Variants in VWCE observed in about 807,000 individuals in gnomAD.
VWCE encodes the protein von Willebrand factor C and EGF domains.
VWCE carries 68 observed loss-of-function variants against 102.9 expected under a neutral mutation model. The ratio of observed to expected loss-of-function variants is 0.66; its 90% CI spans 0.54 to 0.81. VWCE has a LOEUF of 0.81. Among genes scored for constraint, VWCE ranks in the 30% least tolerant of loss-of-function variants. The pLI is 0.00. For missense variants in VWCE, 1,137 were observed against 1,263.6 expected (o/e 0.90, Z 1.52); for synonymous variants, 497 against 515.4 (o/e 0.96, Z 0.48).
intron 4 of VWCE, among the ~76,000 whole-genome samples, chr11:61,286,817 G>C (rs1347400741): frequency 1.3e-5 from 2 of 151,376 alleles, no homozygotes; most frequent in Non-Finnish European, 2.9e-5. Flanking sequence ...AAAAAAGAAG[G>C]CCGGGCGCGG....
rs753022661 is a variant in VWCE at position 61,267,548 on chromosome 11, C to A, written c.1883-4G>T. On this transcript the variant is annotated splice_polypyrimidine_tract_variant and splice_region_variant and intron_variant, in intron 15 of 19. Transcript: ENST00000335613. ...ATTCTGCCTGTGTAGGTGCAGCCTG[C>A]CAGAGAGAGCATGCGCTGAGCACCA... 20 of 1,613,864 alleles carry A rather than the reference C, an allele frequency of 1.2e-5. No individual in the cohort carries two copies. The highest frequency in any genetic ancestry group is 1.6e-5 in the Non-Finnish European group (19 of 1,179,946).
At chr11:61,281,715 G>A (rs1444422320) in intron 7 of VWCE, 71 bp downstream of exon 7, 19 of 1,525,802 alleles carry the variant, frequency 1.2e-5, no homozygotes, top group Non-Finnish European at 1.7e-5. Flanking sequence ...GCCAGGCTAT[G>A]GGGGGGCGTA....
At chr11:61,283,924 AAG>A (rs1205563504) in intron 5 of VWCE, among the ~76,000 whole-genome samples, 1 of 152,254 alleles carries the variant, frequency 6.6e-6, no homozygotes, top group Non-Finnish European at 1.5e-5. Flanking sequence ...TCAATAAGAG[AAG>A]AGTTAGTAAA....
Position 61,258,838 on chromosome 11 carries a change from G to C in VWCE, c.2705C>G (p.Ser902Cys), listed in dbSNP as rs1406009270. The change falls in exon 20 of 20, where the codon TCC becomes TGC. Residue 902 changes from serine (S) to cysteine (C), a missense_variant. Transcript: ENST00000335613. ...GTLLTEASAL[S>C]MMDPSPSKTP... The stretch of plus-strand genomic sequence containing the variant: ...CTTCGAGGGGCTGGGGTCCATCATG[G>C]AAAGTGCTGAAGCTTCCGTCAGGAG... The C allele has an allele frequency of 1.3e-6, 2 of 1,515,454 alleles. No homozygotes were observed. Among genetic ancestry groups the C allele is most frequent in the Non-Finnish European group, 1.8e-6 (2 of 1,134,304 alleles). 93.9% of individuals were successfully genotyped at this position (1,515,454 alleles called of 1,614,324 possible). A position where few individuals can be genotyped will look rare whatever the true frequency, so the allele number is the denominator to read the frequency against.
At chr11:61,261,961 T>C (rs1854373551) in intron 19 of VWCE, among the ~76,000 whole-genome samples, 2 of 152,150 alleles carry the variant, frequency 1.3e-5, no homozygotes, top group African/African-American at 4.8e-5. Context: ...CTCTTGGTTT[T>C]TGTTTTTGTT....
At chr11:61,288,023 T>C (rs943267088) in intron 4 of VWCE, among the ~76,000 whole-genome samples, 15 of 151,784 alleles carry the variant, frequency 9.9e-5, no homozygotes, top group African/African-American at 3.1e-4. Flanking sequence ...CTGGGCATGC[T>C]GGCACGTGCC....
intron 15 of VWCE, among the ~76,000 whole-genome samples, chr11:61,268,351 C>A (rs1364528929): frequency 1.3e-5 from 2 of 152,014 alleles, no homozygotes; most frequent in Non-Finnish European, 2.9e-5. Context: ...GTTAGGAGAT[C>A]GAGACCAGCC....
At position 61,295,093 on chromosome 11, in the gene VWCE, G is replaced by C; in HGVS notation, c.-56C>G. ...CTCGGCTCCTGCGCCGCGCGCGGGA[G>C]AGGGGGCTGCCGGCCCTCGCCCCTC... On this transcript the variant is annotated 5_prime_UTR_variant, in exon 1 of 20. Transcript: ENST00000335613. This position sits in a 1 kb window ranked among gnomAD's most constrained non-coding sequence, Gnocchi z 4.6. 3 of 1,162,436 alleles carry C rather than the reference G, an allele frequency of 2.6e-6. No homozygotes were observed. Among genetic ancestry groups the C allele is most frequent in the Non-Finnish European group, 3.3e-6 (3 of 908,588 alleles). 72.0% of individuals were successfully genotyped at this position (1,162,436 alleles called of 1,614,324 possible).
intron 5 of VWCE, among the ~76,000 whole-genome samples, chr11:61,283,654 A>G (rs1590649001): frequency 6.6e-6 from 1 of 152,144 alleles, no homozygotes; most frequent in Non-Finnish European, 1.5e-5. Context: ...CAGGCGATCC[A>G]CCTGCCTTGG....
chr11:61,260,624 C>T (rs960466393), intron 19 of VWCE, among the ~76,000 whole-genome samples: 1 of 152,136 alleles, frequency 6.6e-6, no homozygotes, highest in East Asian at 1.9e-4. Flanking sequence ...AGCTCACTTC[C>T]TGAACACCAC....
Position 61,281,026 on chromosome 11 carries a change from G to C in VWCE, c.997C>G (p.Pro333Ala). 1 of 1,574,014 alleles carries C rather than the reference G, an allele frequency of 6.4e-7. No homozygotes were observed. Among genetic ancestry groups the C allele is most frequent in the South Asian group, 1.2e-5 (1 of 83,998 alleles). ...PRLPTSSPSA[P>A]VWLLSTLLAT... ...AGCAGGGTGGACAGCAGCCACACAG[G>C]GGCAGAAGGGGAGGATGTGGGTAGT... Residue 333 changes from proline to alanine, a missense_variant, in exon 8 of 20, where the codon CCT (proline) becomes GCT (alanine). Physicochemically the swap from Pro to Ala is conservative, Grantham distance 27. Around this residue, in one of 5 missense-constraint regions of VWCE, gnomAD observed 575 missense variants for 625.9 expected, o/e 0.92. Transcript: ENST00000335613.
At position 61,290,827 on chromosome 11, in the gene VWCE, C is replaced by T. The variant is rs776757381; in HGVS notation, c.396G>A (p.Thr132=). The T allele has an allele frequency of 8.7e-6, 14 of 1,613,486 alleles. No homozygotes were observed. The highest frequency in any genetic ancestry group is 2.2e-5 in the South Asian group (2 of 91,046). The part of the protein sequence containing the change: ...ARVCPVGFSM[T]ETAVGIRCTD... The stretch of plus-strand genomic sequence containing the variant: ...TACACCTGATGCCAACAGCTGTCTC[C>T]GTCATCGAGAAGCCCACGGGGCACA... Residue 132 remains threonine, a synonymous_variant, in exon 4 of 20, where the codon ACG becomes ACA. Transcript: ENST00000335613.
chr11:61,291,462 G>T lies in VWCE; in HGVS notation c.205+20C>A. 6.4e-7 allele frequency: 1 copy of T among 1,559,116 alleles called. No individual in the cohort carries two copies. Among genetic ancestry groups the T allele is most frequent in the South Asian group, 1.2e-5 (1 of 84,752 alleles). On this transcript the variant is annotated intron_variant, in intron 2 of 19. Transcript: ENST00000335613. ...ACACTGCTGGAGGAGAAGACTTGGG[G>T]CACAGGGACAAGCACTTACGCAGGG...
Position 61,280,939 on chromosome 11 carries a change from C to A in VWCE, c.1084G>T (p.Gly362Trp). The A allele has an allele frequency of 6.5e-7, 1 of 1,530,836 alleles. No homozygotes were observed. The highest frequency in any genetic ancestry group is 2.3e-5 in the East Asian group (1 of 44,086). 94.8% of individuals were successfully genotyped at this position (1,530,836 alleles called of 1,614,324 possible). A position where few individuals can be genotyped will look rare whatever the true frequency, so the allele number is the denominator to read the frequency against. ...GNLRPPSLLQGEVMGTPSSPR... is the reference protein window; with the variant it reads ...GNLRPPSLLQWEVMGTPSSPR... ...GAGGAAGGGGTCCCCATCACCTCCC[C>A]CTGAAGGAGTGAGGGGGGTCTGAGG... Residue 362 changes from glycine to tryptophan, a missense_variant, in exon 8 of 20, where the codon GGG (glycine) becomes TGG (tryptophan). Physicochemically the swap from Gly to Trp is radical, Grantham distance 184 (BLOSUM62 -2). This residue lies in a region of VWCE where 575 missense variants were observed against 625.9 expected (regional missense o/e 0.92). Transcript: ENST00000335613.
chr11:61,278,277 G>T, intron 10 of VWCE, 117 bp downstream of exon 10: 1 of 1,121,204 alleles, frequency 8.9e-7, no homozygotes, highest in Non-Finnish European at 1.3e-6. Context: ...CACAACCTGA[G>T]AATGTTCCCT....
chr11:61,265,061 A>G (rs1399664753), intron 17 of VWCE, 23 bp from the exon 18 acceptor site: 39 of 1,613,926 alleles, frequency 2.4e-5, no homozygotes, highest in Non-Finnish European at 2.9e-5. Context: ...GGGAGACAGG[A>G]GCCCATGAGA....
chr11:61,266,028 G>C (rs952955435), intron 16 of VWCE, among the ~76,000 whole-genome samples: 3 of 151,354 alleles, frequency 2.0e-5, no homozygotes, highest in African/African-American at 7.3e-5. Flanking sequence ...CCTGGCGACA[G>C]AGTGAGACTC....
rs1854478825 is a variant in VWCE at position 61,265,268 on chromosome 11, T to C, written c.1966-56A>G. On this transcript the variant is annotated intron_variant, in intron 16 of 19. Coordinates refer to ENST00000335613, the MANE Select transcript of VWCE (RefSeq NM_152718.2). The stretch of plus-strand genomic sequence containing the variant: ...CGGTTCAGGGCAGCTGACAAGACAC[T>C]CAGGAAGATGCCGCTCCTATAGCCA... The C allele has an allele frequency of 5.0e-6, 7 of 1,404,814 alleles. No individual in the cohort carries two copies. The South Asian group carries it at 9.1e-5, about 18-fold the overall frequency. 87.0% of individuals were successfully genotyped at this position (1,404,814 alleles called of 1,614,324 possible). A position where few individuals can be genotyped will look rare whatever the true frequency, so the allele number is the denominator to read the frequency against.
Position 61,276,699 on chromosome 11 carries a change from AG to A in VWCE, c.1408-20del. 6.3e-7 allele frequency: 1 copy of A among 1,584,256 alleles called. No individual in the cohort carries two copies. The highest frequency in any genetic ancestry group is 8.6e-7 in the Non-Finnish European group (1 of 1,165,396). ...TTCCAGCCTGAGGAGGAGGCAAGAG[AG>A]GGCACTGGGGGTGCGGGTGTGGAAC... On this transcript the variant is annotated intron_variant, in intron 10 of 19. Coordinates refer to ENST00000335613, the MANE Select transcript of VWCE (RefSeq NM_152718.2).
Sources: gnomAD v4.1 joint callset for allele counts (sites outside exome capture counted in the v4.1 genomes callset) on GRCh38, gnomAD v4.1.1 for gene constraint, gnomAD v4.1.1 regional missense constraint, Gnocchi (gnomAD v3.1) non-coding constraint, MANE v1.5 for transcripts, NCBI Gene and HGNC (gene_info 2026-07-23, HGNC 2026-07-21) for gene names.